CDK15: variants seen among roughly 807,000 people sequenced by gnomAD.
CDK15 encodes the protein cyclin-dependent kinase 15.
A neutral mutation model predicts 60.3 loss-of-function variants in CDK15; 62 were observed. The observed-to-expected ratio is 1.03, with a 90% CI of 0.84 to 1.27. The LOEUF (loss-of-function observed/expected upper bound fraction) is 1.27, where lower values mean the gene tolerates loss of function less well. CDK15 is among the 50% of genes most tolerant of loss of function. The pLI is 0.00. For missense variants in CDK15, 541 were observed against 527.8 expected (o/e 1.03, Z -0.25); for synonymous variants, 194 against 195.7 (o/e 0.99, Z 0.07).
chr2:201,822,867 C>T lies in CDK15; in HGVS notation c.507C>T (p.His169=), dbSNP rs1696294321. The change falls in exon 5 of 14, where the codon CAC becomes CAT. Residue 169 remains histidine (H), a synonymous_variant. Coordinates refer to ENST00000652192, the MANE Select transcript of CDK15 (RefSeq NM_001366386.2). ...TTGTGCTCCTGCATGACATAATCCA[C>T]ACCAAAGAGACACTGACATTCGTTT... ...ANIVLLHDII[H]TKETLTFVFE... The T allele has an allele frequency of 6.2e-7, 1 of 1,612,702 alleles. No homozygotes were observed. The highest frequency in any genetic ancestry group is 8.5e-7 in the Non-Finnish European group (1 of 1,178,930).
chr2:201,870,062 C>T (rs956972079), intron 10 of CDK15, among the ~76,000 whole-genome samples: 7 of 152,216 alleles, frequency 4.6e-5, no homozygotes, highest in Non-Finnish European at 7.3e-5. Context: ...CATTTGATTG[C>T]GCCTGACCTT....
At position 201,895,200 on chromosome 2, in the gene CDK15, C is replaced by T. The variant is rs1699743426; in HGVS notation, c.*1933C>T. Reference sequence around the variant, plus strand: ...CCATGTTGGAGGTTAGAAGAGCTGACCTCCAATGTCCCGTCTAATTCCAAG... The same window carrying T: ...CCATGTTGGAGGTTAGAAGAGCTGATCTCCAATGTCCCGTCTAATTCCAAG... On this transcript the variant is annotated 3_prime_UTR_variant, in exon 14 of 14. Transcript: ENST00000652192. 1 of 152,144 alleles carries T rather than the reference C, an allele frequency of 6.6e-6. No homozygotes were observed. The highest frequency in any genetic ancestry group is 6.5e-5 in the Admixed American group (1 of 15,272). 9.4% of individuals were successfully genotyped at this position (152,144 alleles called of 1,614,324 possible). A position where few individuals can be genotyped will look rare whatever the true frequency, so the allele number is the denominator to read the frequency against.
Position 201,835,726 on chromosome 2 carries a change from C to A in CDK15, c.814C>A (p.Leu272Met). The A allele has an allele frequency of 6.2e-7, 1 of 1,610,248 alleles. No homozygotes were observed. Among genetic ancestry groups the A allele is most frequent in the Non-Finnish European group, 8.5e-7 (1 of 1,177,578 alleles). ...TLWYRPPDALLGATEYSSELD... is the reference protein window; with the variant it reads ...TLWYRPPDALMGATEYSSELD... ...CTGGTACCGGCCCCCTGATGCTTTG[C>A]TGGGAGCCACTGAATATTCCTCTGA... is the stretch of plus-strand genomic sequence containing the variant. Residue 272 changes from leucine to methionine, a missense_variant, in exon 8 of 14, where the codon CTG (leucine) becomes ATG (methionine). Transcript: ENST00000652192.
chr2:201,813,354 G>A (rs1695857326), intron 4 of CDK15, among the ~76,000 whole-genome samples: 1 of 152,134 alleles, frequency 6.6e-6, no homozygotes, highest in Non-Finnish European at 1.5e-5. Context: ...ATAGTGAAAT[G>A]AATCATTAAA....
chr2:201,860,834 C>G, intron 10 of CDK15: 3 of 1,352,114 alleles, frequency 2.2e-6, no homozygotes, highest in South Asian at 2.3e-5. Flanking sequence ...TCATTTTGAC[C>G]TTAAATCCAG....
At chr2:201,860,782 C>T (rs780785780) in intron 10 of CDK15, 17 of 1,352,058 alleles carry the variant, frequency 1.3e-5, no homozygotes, top group Non-Finnish European at 1.6e-5. Context: ...TGACATCGGA[C>T]AGCATCGTAC....
chr2:201,807,419 A>AT, intron 1 of CDK15, 75 bp from the exon 2 acceptor site: 1 of 1,345,712 alleles, frequency 7.4e-7, no homozygotes, highest in East Asian at 2.4e-5. Flanking sequence ...AGGCAAATAA[A>AT]GAAAAAATGG....
chr2:201,876,474 G>T (rs1477662015), intron 11 of CDK15: 1 of 642,564 alleles, frequency 1.6e-6, no homozygotes, highest in African/African-American at 1.9e-5. Flanking sequence ...GTGTTCATGT[G>T]GGGTGGAGTT....
intron 10 of CDK15, chr2:201,861,551 GTTTTT>G (rs538808229): frequency 1.3e-5 from 9 of 678,482 alleles, no homozygotes; most frequent in Non-Finnish European, 1.6e-5. Flanking sequence ...TTGTTGGTTT[GTTTTT>G]TTTTTTTTCT....
chr2:201,867,991 A>G (rs1698699574), intron 10 of CDK15, among the ~76,000 whole-genome samples: 1 of 152,306 alleles, frequency 6.6e-6, no homozygotes, highest in Non-Finnish European at 1.5e-5. Context: ...CAAAAAGGAG[A>G]CTTGAGCTTG....
chr2:201,862,012 AC>A (rs1281373383), intron 10 of CDK15, among the ~76,000 whole-genome samples: 3 of 152,086 alleles, frequency 2.0e-5, no homozygotes, highest in Non-Finnish European at 2.9e-5. Flanking sequence ...ACCAGAACTG[AC>A]TTTTGTTTTT....
intron 12 of CDK15, chr2:201,888,716 C>A: frequency 8.7e-7 from 1 of 1,155,936 alleles, no homozygotes; most frequent in African/African-American, 1.6e-5. Flanking sequence ...CAGATAGTGT[C>A]TCTCTCTCTC....
At position 201,894,753 on chromosome 2, in the gene CDK15, C is replaced by G. The variant is rs960173155; in HGVS notation, c.*1486C>G. The stretch of plus-strand genomic sequence containing the variant: ...GAAGATGCAAACCTCAGACCTGGTT[C>G]TCCAATGTTCCTGACACCTATCGAA... On this transcript the variant is annotated 3_prime_UTR_variant, in exon 14 of 14. Coordinates refer to ENST00000652192, the MANE Select transcript of CDK15 (RefSeq NM_001366386.2). 2 of 152,136 alleles carry G rather than the reference C, an allele frequency of 1.3e-5. No individual in the cohort carries two copies. The highest frequency in any genetic ancestry group is 4.8e-5 in the African/African-American group (2 of 41,424). The allele number at this position is 152,136 out of a possible 1,614,324, so 9.4% of individuals were successfully genotyped here.
chr2:201,814,006 G>C (rs539494395), intron 4 of CDK15, among the ~76,000 whole-genome samples: 2 of 152,334 alleles, frequency 1.3e-5, no homozygotes, highest in East Asian at 1.9e-4. Context: ...TGTATGGATA[G>C]GTTAAAGAGT....
chr2:201,843,149 A>G (rs1199261529), intron 8 of CDK15, among the ~76,000 whole-genome samples: 1 of 152,084 alleles, frequency 6.6e-6, no homozygotes, highest in East Asian at 1.9e-4. Flanking sequence ...AAAAAAAGAA[A>G]CAGTTCTGAA....
Position 201,880,101 on chromosome 2 carries a change from G to A in CDK15, c.1132G>A (p.Ala378Thr), listed in dbSNP as rs144726331. The A allele has an allele frequency of 2.7e-5, 43 of 1,613,962 alleles. No individual in the cohort carries two copies. Among genetic ancestry groups the A allele is most frequent in the African/African-American group, 1.3e-4 (10 of 74,894 alleles). ...LKGFPRDRVS[A>T]QEALVHDYFS... ...AGGCTTTCCCAGAGACCGCGTCTCC[G>A]CCCAGGAAGCACTTGTTCATGATTA... Residue 378 changes from alanine to threonine, a missense_variant, in exon 12 of 14, where the codon GCC (alanine) becomes ACC (threonine). Ala to Thr is a moderately conservative substitution (Grantham distance 58, BLOSUM62 0). Coordinates refer to ENST00000652192, the MANE Select transcript of CDK15 (RefSeq NM_001366386.2).
In CDK15 at chr2:201,888,581, T is replaced by G. The variant is rs1028557296; in HGVS notation, c.1199-2204T>G. On this transcript the variant is annotated intron_variant, in intron 12 of 13. Transcript: ENST00000652192. ...AGCCGCGCTGCAGCTTTTTTCGTTT[T>G]TTATTTCCCTTTCTTTCTTTCTTCC... is the stretch of plus-strand genomic sequence containing the variant. 8 of 1,462,994 alleles carry G rather than the reference T, an allele frequency of 5.5e-6. No homozygotes were observed. In the African/African-American group the frequency reaches 8.6e-5, roughly 16 times the overall value. The allele number at this position is 1,462,994 out of a possible 1,614,324, so 90.6% of individuals were successfully genotyped here. A position where few individuals can be genotyped will look rare whatever the true frequency, so the allele number is the denominator to read the frequency against.
chr2:201,866,790 A>C (rs375469084), intron 10 of CDK15, among the ~76,000 whole-genome samples: 1 of 152,168 alleles, frequency 6.6e-6, no homozygotes. Context: ...GGAAAAATCA[A>C]TGGGAGAGAG....
chr2:201,835,060 G>T (rs1696944111), intron 7 of CDK15, among the ~76,000 whole-genome samples: 1 of 152,176 alleles, frequency 6.6e-6, no homozygotes, highest in African/African-American at 2.4e-5. Flanking sequence ...GGGCTTTCCT[G>T]GAGTGCCAAA....
Sources: allele counts gnomAD v4.1 joint callset (sites outside exome capture counted in the v4.1 genomes callset), GRCh38; gene constraint gnomAD v4.1.1; transcripts MANE v1.5; gene names NCBI Gene and HGNC (gene_info 2026-07-23, HGNC 2026-07-21).